The following ZNF331 variants were observed in gnomAD, a reference collection of about 807,000 sequenced individuals.
ZNF331 encodes the protein zinc finger protein 331.
ZNF331 carries 2 observed loss-of-function variants against 7.0 expected under a neutral mutation model. The ratio of observed to expected loss-of-function variants is 0.29; its 90% CI spans 0.12 to 0.90. The LOEUF is 0.90. Ranked by LOEUF, ZNF331 falls within the 40% of genes least tolerant of loss-of-function variation. The pLI, the probability that ZNF331 is intolerant of heterozygous loss-of-function variation, is 0.58. For synonymous variants in ZNF331, 196 were observed against 205.4 expected (o/e 0.95, Z 0.39); for missense variants, 432 against 587.7 (o/e 0.74, Z 2.74).
upstream of ZNF331, among the ~76,000 whole-genome samples, chr19:53,520,516 C>G (rs1033158446): frequency 6.6e-6 from 1 of 152,188 alleles, no homozygotes; most frequent in Non-Finnish European, 1.5e-5. Flanking sequence ...CAGGAGAAGG[C>G]CGACAGGGCT....
At chr19:53,530,764 G>T (rs907502319) in intron 2 of ZNF331, among the ~76,000 whole-genome samples, 1 of 152,224 alleles carries the variant, frequency 6.6e-6, no homozygotes, top group African/African-American at 2.4e-5. Context: ...CATGTACATT[G>T]GCATCCGCAG....
chr19:53,575,258 A>G (rs2090653255), intron 5 of ZNF331, among the ~76,000 whole-genome samples: 1 of 151,720 alleles, frequency 6.6e-6, no homozygotes, highest in South Asian at 2.1e-4. Context: ...TTTTTATAAT[A>G]AAGGTCTGGT....
chr19:53,577,781 G>C lies in ZNF331; in HGVS notation c.1221G>C (p.Gly407=). 10 of 1,613,686 alleles carry C rather than the reference G, an allele frequency of 6.2e-6. No individual in the cohort carries two copies. The highest frequency in any genetic ancestry group is 1.7e-5 in the Admixed American group (1 of 59,984). The change falls in exon 6 of 6, where the codon GGG becomes GGC. Residue 407 remains glycine (G), a synonymous_variant. Coordinates refer to ENST00000449416, the MANE Select transcript of ZNF331 (RefSeq NM_001079906.2). The part of the protein sequence containing the change: ...SLVKHERIHT[G]VKPYGCTECG... ...TGAAACATGAGAGAATTCATACCGG[G>C]GTGAAACCCTATGGGTGTACAGAAT...
Position 53,566,999 on chromosome 19 carries a change from G to T in ZNF331, c.-73-2305G>T, listed in dbSNP as rs188447563. Among the ~76,000 whole-genome samples the T allele has an allele frequency of 2.6e-5, 4 of 152,054 alleles. No homozygotes were observed. In the East Asian group the frequency reaches 7.7e-4, roughly 29 times the overall value. On this transcript the variant is annotated intron_variant, in intron 3 of 5. Transcript: ENST00000449416. ...TATGTGTATATATAGACAGATGCGTGTGTGTGTGTATTTTTATATATGGAA... is the reference window on the plus strand; with the variant it reads ...TATGTGTATATATAGACAGATGCGTTTGTGTGTGTATTTTTATATATGGAA...
At chr19:53,534,378 C>T (rs569561139), upstream of ZNF331, among the ~76,000 whole-genome samples, 1 of 152,230 alleles carries the variant, frequency 6.6e-6, no homozygotes, top group South Asian at 2.1e-4. Flanking sequence ...AACTCCACCT[C>T]CCAGATTCAA....
At chr19:53,536,287 G>A (rs1380338015), upstream of ZNF331, 1 of 147,708 alleles carries the variant, frequency 6.8e-6, no homozygotes, top group Non-Finnish European at 1.5e-5. Flanking sequence ...GGATGATCCT[G>A]TTCAAACAGT....
chr19:53,534,391 G>C (rs764740911), upstream of ZNF331, among the ~76,000 whole-genome samples: 3 of 151,994 alleles, frequency 2.0e-5, no homozygotes, highest in Non-Finnish European at 2.9e-5. Context: ...AGATTCAAGC[G>C]ATTCTTCTGC....
At chr19:53,540,706 G>A (rs907835487) in intron 2 of ZNF331, among the ~76,000 whole-genome samples, 1 of 152,084 alleles carries the variant, frequency 6.6e-6, no homozygotes, top group Non-Finnish European at 1.5e-5. Flanking sequence ...CAAAGTGCGG[G>A]ATTACAGGTG....
chr19:53,533,688 T>C (rs1197830171), upstream of ZNF331, among the ~76,000 whole-genome samples: 4 of 152,222 alleles, frequency 2.6e-5, no homozygotes, highest in Non-Finnish European at 5.9e-5. Flanking sequence ...TACATACATA[T>C]GTACAATTGA....
the ZNF331 span, among the ~76,000 whole-genome samples, chr19:53,510,706 A>C: frequency 6.6e-6 from 1 of 151,990 alleles, no homozygotes; most frequent in Non-Finnish European, 1.5e-5. Flanking sequence ...ATAACTCCCA[A>C]CTGAATGTAT....
the ZNF331 span, among the ~76,000 whole-genome samples, chr19:53,513,635 G>A: frequency 6.6e-5 from 10 of 151,972 alleles, no homozygotes; most frequent in Non-Finnish European, 1.5e-4. Context: ...GTCTATTCAG[G>A]CCCTTTACTT....
intron 4 of ZNF331, among the ~76,000 whole-genome samples, chr19:53,570,999 C>T (rs968546786): frequency 1.5e-4 from 23 of 151,946 alleles, no homozygotes; most frequent in Non-Finnish European, 2.6e-4. Flanking sequence ...GCTGGGACTA[C>T]AGGCGCCCAC....
Position 53,548,194 on chromosome 19 carries a change from C to T in ZNF331, c.-137-7651C>T, listed in dbSNP as rs568781587. 1.4e-3 allele frequency among the ~76,000 whole-genome samples: 219 copies of T among 152,082 alleles called. 1 individual carries two copies. The highest frequency in any genetic ancestry group is 5.1e-3 in the African/African-American group (210 of 41,510). ...CGTGATCTCGGCTCACTGCAACCTC[C>T]GCCTCCCGGGTTCAAGCGATTCTCC... On this transcript the variant is annotated intron_variant, in intron 2 of 5. Transcript: ENST00000449416.
At position 53,577,408 on chromosome 19, in the gene ZNF331, G is replaced by A. The variant is rs758915859; in HGVS notation, c.848G>A (p.Gly283Asp). 1 of 1,614,156 alleles carries A rather than the reference G, an allele frequency of 6.2e-7. No homozygotes were observed. Among genetic ancestry groups the A allele is most frequent in the South Asian group, 1.1e-5 (1 of 91,078 alleles). ...GACTGTGGGAAGGCTTTTATTTGTG[G>A]TTCAAGCCTCATTCAGCATAAAAGA... is the stretch of plus-strand genomic sequence containing the variant. ...CKDCGKAFIC[G>D]SSLIQHKRIH... The change falls in exon 6 of 6, where the codon GGT (glycine) becomes GAT (aspartate). Residue 283 changes from glycine (G) to aspartate (D), a missense_variant. Physicochemically the swap from Gly to Asp is moderately conservative, Grantham distance 94. This residue lies in a region of ZNF331 where 312 missense variants were observed against 448.6 expected (regional missense o/e 0.70). Transcript: ENST00000449416.
chr19:53,527,280 GTTA>G (rs1220582364), intron 2 of ZNF331, among the ~76,000 whole-genome samples: 6 of 152,310 alleles, frequency 3.9e-5, no homozygotes, highest in African/African-American at 9.6e-5. Context: ...GTACCTTGTA[GTTA>G]TTAATAAATG....
At chr19:53,535,254 C>G (rs970209790), upstream of ZNF331, among the ~76,000 whole-genome samples, 4 of 151,988 alleles carry the variant, frequency 2.6e-5, no homozygotes, top group Non-Finnish European at 5.9e-5. Flanking sequence ...ACACATTCAG[C>G]TAATTTTTGT....
chr19:53,571,585 G>T lies in ZNF331; in HGVS notation c.10-19G>T. ...TGTTTCCTTTCATTTCATCATGCAC[G>T]TGTGGGTTTCTGTTTCAGGGTTTGG... On this transcript the variant is annotated intron_variant, in intron 4 of 5. Coordinates refer to ENST00000449416, the MANE Select transcript of ZNF331 (RefSeq NM_001079906.2). The surrounding 1 kb of genome is among the most constrained non-coding windows in gnomAD (Gnocchi z 4.7). 1 of 1,612,256 alleles carries T rather than the reference G, an allele frequency of 6.2e-7. No individual in the cohort carries two copies. Among genetic ancestry groups the T allele is most frequent in the Non-Finnish European group, 8.5e-7 (1 of 1,179,206 alleles).
chr19:53,566,386 GGGT>G (rs2090157763), intron 3 of ZNF331, among the ~76,000 whole-genome samples: 1 of 152,038 alleles, frequency 6.6e-6, no homozygotes, highest in Admixed American at 6.6e-5. Context: ...TCTGCCCCCT[GGGT>G]GCAAGTGATT....
upstream of ZNF331, among the ~76,000 whole-genome samples, chr19:53,517,090 G>A (rs982609214): frequency 3.9e-5 from 6 of 152,014 alleles, no homozygotes; most frequent in African/African-American, 1.5e-4. Flanking sequence ...AGATCATCAT[G>A]GACAGTAATG....
Sources: allele counts gnomAD v4.1 joint callset (sites outside exome capture counted in the v4.1 genomes callset), GRCh38; gene constraint gnomAD v4.1.1; regional missense constraint gnomAD v4.1.1; non-coding constraint Gnocchi (gnomAD v3.1); transcripts MANE v1.5; gene names NCBI Gene and HGNC (gene_info 2026-07-23, HGNC 2026-07-21).